Variants in SAMD3 observed in about 807,000 individuals in gnomAD.
SAMD3 encodes sterile alpha motif domain containing 3, also known as sterile alpha motif domain-containing protein 3.
In SAMD3, 63 loss-of-function variants were observed where a neutral mutation model predicts 58.5. That is an observed-to-expected ratio of 1.08 (90% CI 0.88 to 1.33). The LOEUF (loss-of-function observed/expected upper bound fraction) is 1.33. Ranked by LOEUF, SAMD3 falls within the 40% of genes most tolerant of loss-of-function variation. SAMD3 has a pLI of 0.00. For synonymous variants in SAMD3, 220 were observed against 210.3 expected (o/e 1.05, Z -0.40); for missense variants, 604 against 608.4 (o/e 0.99, Z 0.08).
At chr6:130,152,933 C>T (rs1789359618) in intron 9 of SAMD3, among the ~76,000 whole-genome samples, 1 of 152,144 alleles carries the variant, frequency 6.6e-6, no homozygotes, top group Non-Finnish European at 1.5e-5. Context: ...CTTTGAAAAG[C>T]TGCTTAACAT....
At chr6:130,201,196 T>C (rs1794626897) in intron 5 of SAMD3, among the ~76,000 whole-genome samples, 2 of 152,158 alleles carry the variant, frequency 1.3e-5, no homozygotes, top group Admixed American at 1.3e-4. Flanking sequence ...TCCAATCCAT[T>C]CTCTACATCA....
chr6:130,145,583 T>C (rs1226281882), intron 10 of SAMD3, among the ~76,000 whole-genome samples, 161 bp from the exon 11 acceptor site: 1 of 152,204 alleles, frequency 6.6e-6, no homozygotes, highest in African/African-American at 2.4e-5. Flanking sequence ...TACCCTCTTC[T>C]AATAAAACAT....
upstream of SAMD3, chr6:130,365,536 C>T (rs1260850169): frequency 6.1e-6 from 6 of 985,204 alleles, no homozygotes; most frequent in African/African-American, 1.0e-4. Context: ...GAGCCAGGGT[C>T]CTGCGGTGCC....
At chr6:130,181,547 G>A (rs1792332350) in intron 7 of SAMD3, among the ~76,000 whole-genome samples, 1 of 152,116 alleles carries the variant, frequency 6.6e-6, no homozygotes, top group Non-Finnish European at 1.5e-5. Flanking sequence ...ATGTCACTGG[G>A]AACAGATGTG....
intron 5 of SAMD3, among the ~76,000 whole-genome samples, chr6:130,198,513 T>G (rs958494913): frequency 6.6e-6 from 1 of 152,192 alleles, no homozygotes; most frequent in Non-Finnish European, 1.5e-5. Flanking sequence ...CTAGCCTAAA[T>G]TTGTGTTTTC....
At chr6:130,143,275 T>G (rs1413894905), downstream of SAMD3, 2 of 152,274 alleles carry the variant, frequency 1.3e-5, no homozygotes, top group Non-Finnish European at 2.9e-5. Flanking sequence ...AGACACAGTC[T>G]CATTCTGTTG....
chr6:130,145,338 A>G lies in SAMD3; in HGVS notation c.1278+2T>C. ...ACTAGTGGCCATTCACATACTACAT[A>G]CCTGTTCATTCATGATGACAAAAAG... On this transcript the variant is annotated splice_donor_variant, in intron 11 of 11. Transcript: ENST00000439090. LOFTEE classifies it high-confidence loss of function. 2 of 1,582,816 alleles carry G rather than the reference A, an allele frequency of 1.3e-6. No individual in the cohort carries two copies. The highest frequency in any genetic ancestry group is 1.3e-5 in the African/African-American group (1 of 74,492).
intron 5 of SAMD3, among the ~76,000 whole-genome samples, chr6:130,197,426 A>G (rs964151917): frequency 1.3e-5 from 2 of 152,212 alleles, no homozygotes; most frequent in Admixed American, 6.5e-5. Flanking sequence ...GAAGTAAATA[A>G]TCTTTGCTGG....
chr6:130,227,026 T>C (rs1217162564), upstream of SAMD3, among the ~76,000 whole-genome samples: 1 of 152,220 alleles, frequency 6.6e-6, no homozygotes, highest in Non-Finnish European at 1.5e-5. Context: ...ACAATAAGTA[T>C]ATTCACATTA....
intron 2 of SAMD3, among the ~76,000 whole-genome samples, chr6:130,278,446 A>G (rs140780392): frequency 0.021 from 3,148 of 152,332 alleles, 98 homozygotes; most frequent in African/African-American, 0.071. Context: ...GCAGTGGGCA[A>G]GGTGAACCCA....
chr6:130,348,893 G>T (rs770342442), intron 1 of SAMD3, among the ~76,000 whole-genome samples: 127 of 152,188 alleles, frequency 8.3e-4, no homozygotes, highest in Non-Finnish European at 1.5e-3. Flanking sequence ...AGACCACAGT[G>T]CAATCAAACT....
At chr6:130,274,752 C>CTT (rs202123647) in intron 2 of SAMD3, among the ~76,000 whole-genome samples, 9 of 145,248 alleles carry the variant, frequency 6.2e-5, no homozygotes, top group Admixed American at 1.4e-4. Flanking sequence ...GCCTAAATAT[C>CTT]TTTTTTTTTT....
At position 130,296,324 on chromosome 6, in the gene SAMD3, C is replaced by G. The variant is rs185595707; in HGVS notation, c.-188+16654G>C. 1.7e-3 allele frequency among the ~76,000 whole-genome samples: 254 copies of G among 152,200 alleles called. 2 individuals are homozygous for G. Among genetic ancestry groups the G allele is most frequent in the Admixed American group, 0.012 (188 of 15,288 alleles). Reference sequence around the variant, plus strand: ...GGAGCTGGGGTACAAAAAAGGAAAGCAGCAAGAGTCTGGTAAAGGTCAACC... The same window carrying G: ...GGAGCTGGGGTACAAAAAAGGAAAGGAGCAAGAGTCTGGTAAAGGTCAACC... On this transcript the variant is annotated intron_variant, in intron 2 of 13. Transcript: ENST00000368134.
chr6:130,363,445 A>G (rs1409207753), intron 1 of SAMD3, among the ~76,000 whole-genome samples: 4 of 152,148 alleles, frequency 2.6e-5, no homozygotes, highest in Admixed American at 2.6e-4. Flanking sequence ...GTTGATCTTC[A>G]TATTTTGACC....
chr6:130,243,069 G>C lies in SAMD3; in HGVS notation c.-187-20256C>G, dbSNP rs568521832. Among the ~76,000 whole-genome samples the C allele has an allele frequency of 2.6e-5, 4 of 152,234 alleles. No individual in the cohort carries two copies. The South Asian group carries it at 8.3e-4, about 32-fold the overall frequency. On this transcript the variant is annotated intron_variant, in intron 2 of 13. Transcript: ENST00000368134. Reference sequence around the variant, plus strand: ...CAAAGAGCAACAGCCTCCTCCCAAAGTTGTTCCCCCGCTACAATCCCAAGA... The same window carrying C: ...CAAAGAGCAACAGCCTCCTCCCAAACTTGTTCCCCCGCTACAATCCCAAGA...
intron 1 of SAMD3, among the ~76,000 whole-genome samples, chr6:130,329,913 T>A (rs1226488257): frequency 4.7e-5 from 1 of 21,184 alleles, no homozygotes; most frequent in Non-Finnish European, 8.5e-5. Flanking sequence ...TGGGGCCTGT[T>A]GGGGGGTGGG....
At chr6:130,337,852 C>T (rs1479240304) in intron 1 of SAMD3, among the ~76,000 whole-genome samples, 1 of 152,166 alleles carries the variant, frequency 6.6e-6, no homozygotes, top group Non-Finnish European at 1.5e-5. Flanking sequence ...AAGAGGGAAG[C>T]AGAGCATAAA....
intron 9 of SAMD3, among the ~76,000 whole-genome samples, chr6:130,149,301 G>A (rs138986633): frequency 6.6e-6 from 1 of 152,344 alleles, no homozygotes; most frequent in African/African-American, 2.4e-5. Context: ...TTCAGCCACT[G>A]TGGAAAGCCG....
chr6:130,333,044 C>CGTGT (rs10529435), intron 1 of SAMD3, among the ~76,000 whole-genome samples: 6,759 of 143,526 alleles, frequency 0.047, 251 homozygotes, highest in East Asian at 0.16. Flanking sequence ...GTTGAGTATG[C>CGTGT]GTGTGTGTGT....
Sources: gnomAD v4.1 joint callset for allele counts (sites outside exome capture counted in the v4.1 genomes callset) on GRCh38, gnomAD v4.1.1 for gene constraint, MANE v1.5 for transcripts, NCBI Gene and HGNC (gene_info 2026-07-23, HGNC 2026-07-21) for gene names.